GRAMD1B: variants seen among roughly 807,000 people sequenced by gnomAD.
The protein encoded by GRAMD1B is GRAM domain containing 1B, also known as protein Aster-B.
A neutral mutation model predicts 99.7 loss-of-function variants in GRAMD1B; 37 were observed. That is an observed-to-expected ratio of 0.37 (90% CI 0.29 to 0.49). The LOEUF (loss-of-function observed/expected upper bound fraction) is 0.49. Among genes scored for constraint, GRAMD1B ranks in the 20% least tolerant of loss-of-function variants. The probability of loss-of-function intolerance (pLI) is 0.98; values close to 1 mark genes in which losing one functional copy is unlikely to be tolerated. For missense variants in GRAMD1B, 888 were observed against 1,009.2 expected (o/e 0.88, Z 1.63); for synonymous variants, 427 against 387.6 (o/e 1.10, Z -1.19).
At chr11:123,442,507 T>C (rs958898157) in intron 1 of GRAMD1B, among the ~76,000 whole-genome samples, 2 of 152,128 alleles carry the variant, frequency 1.3e-5, no homozygotes, top group Non-Finnish European at 2.9e-5. Flanking sequence ...CGGTGGCTCA[T>C]GCCTATAATC....
intron 1 of GRAMD1B, among the ~76,000 whole-genome samples, chr11:123,398,625 A>G (rs1032400634): frequency 6.6e-6 from 1 of 152,204 alleles, no homozygotes; most frequent in Non-Finnish European, 1.5e-5. Flanking sequence ...CCATTTTAAT[A>G]GGTGTGTAGT....
intron 2 of GRAMD1B, among the ~76,000 whole-genome samples, chr11:123,518,338 A>C (rs149192596): frequency 3.7e-4 from 56 of 152,242 alleles, no homozygotes; most frequent in East Asian, 5.8e-4. Flanking sequence ...GGAATCCTCT[A>C]TGGGGATTTC....
intron 2 of GRAMD1B, among the ~76,000 whole-genome samples, chr11:123,489,004 C>T (rs1413952356): frequency 6.6e-6 from 1 of 151,992 alleles, no homozygotes; most frequent in South Asian, 2.1e-4. Flanking sequence ...ACGGCAGGTG[C>T]TAGAGGAATG....
Position 123,612,640 on chromosome 11 carries a change from T to C in GRAMD1B, c.1920-121T>C. On this transcript the variant is annotated intron_variant, in intron 14 of 19. Transcript: ENST00000635736. ...GTGAGATGGATGTGGAAGGACCTTT[T>C]AACTTGTAAAGTTTAGTACAAATGT... The C allele has an allele frequency of 4.2e-6, 3 of 711,406 alleles. No individual in the cohort carries two copies. In the Admixed American group the frequency reaches 6.0e-5, roughly 14 times the overall value. The allele number at this position is 711,406 out of a possible 1,614,324, so 44.1% of individuals were successfully genotyped here. A position where few individuals can be genotyped will look rare whatever the true frequency, so the allele number is the denominator to read the frequency against.
intron 1 of GRAMD1B, among the ~76,000 whole-genome samples, chr11:123,436,396 T>G (rs978382290): frequency 2.0e-5 from 3 of 152,214 alleles, no homozygotes; most frequent in African/African-American, 7.2e-5. Context: ...TAGAGATGGA[T>G]GACCAAATGT....
In GRAMD1B at chr11:123,506,397, G is replaced by GT. The variant is rs968086133; in HGVS notation, c.452+25515dup. ...GCCTCTTTTCAAAAGCATGTTTTTT[G>GT]TTTTTTTTTTTCTGTCTCTCTTTAA... On this transcript the variant is annotated intron_variant, in intron 2 of 19. Transcript: ENST00000635736. 4.0e-3 allele frequency among the ~76,000 whole-genome samples: 583 copies of GT among 146,270 alleles called. 1 individual carries two copies. The highest frequency in any genetic ancestry group is 5.8e-3 in the Non-Finnish European group (384 of 66,112).
At chr11:123,547,052 T>C (rs1183189114) in intron 2 of GRAMD1B, among the ~76,000 whole-genome samples, 2 of 152,208 alleles carry the variant, frequency 1.3e-5, no homozygotes, top group African/African-American at 4.8e-5. Context: ...TGGAGGTGAA[T>C]GGAAGAGACC....
At chr11:123,383,483 A>G (rs980425962) in intron 1 of GRAMD1B, among the ~76,000 whole-genome samples, 1 of 152,262 alleles carries the variant, frequency 6.6e-6, no homozygotes, top group East Asian at 1.9e-4. Context: ...ATTAAAGACT[A>G]TGTATCTTTA....
In GRAMD1B at chr11:123,517,824, A is replaced by G. The variant is rs193048637; in HGVS notation, c.452+36931A>G. Among the ~76,000 whole-genome samples, 25 of 152,250 alleles carry G rather than the reference A, an allele frequency of 1.6e-4. No individual in the cohort carries two copies. The East Asian group carries it at 4.6e-3, about 28-fold the overall frequency. ...TGTATTTTTAAAAATGGTAATACTG[A>G]TATGTAATTTAGTGGAAGAAGCAGA... On this transcript the variant is annotated intron_variant, in intron 2 of 19. Coordinates refer to ENST00000635736, the MANE Select transcript of GRAMD1B (RefSeq NM_001387025.1).
intron 2 of GRAMD1B, among the ~76,000 whole-genome samples, chr11:123,535,696 A>T (rs534802388): frequency 1.8e-4 from 28 of 152,306 alleles, no homozygotes; most frequent in African/African-American, 6.7e-4. Flanking sequence ...TATATCATGC[A>T]TACACAAAAA....
chr11:123,548,714 C>A (rs1945319342), intron 2 of GRAMD1B, among the ~76,000 whole-genome samples: 2 of 152,086 alleles, frequency 1.3e-5, no homozygotes, highest in South Asian at 2.1e-4. Context: ...CTCAGGTGAT[C>A]CTCCCGACTC....
At chr11:123,417,488 G>C (rs1948270602) in intron 1 of GRAMD1B, among the ~76,000 whole-genome samples, 1 of 152,226 alleles carries the variant, frequency 6.6e-6, no homozygotes, top group African/African-American at 2.4e-5. Flanking sequence ...GGACTGAGAT[G>C]TTGACATGAA....
Position 123,531,980 on chromosome 11 carries a change from G to A in GRAMD1B, c.453-45387G>A, listed in dbSNP as rs1161900615. 7.9e-5 allele frequency among the ~76,000 whole-genome samples: 12 copies of A among 151,948 alleles called. No individual in the cohort carries two copies. In the East Asian group the frequency reaches 2.3e-3, roughly 29 times the overall value. ...TCAAACTCCCAACCTCAGGTAATCT[G>A]CCCACCTCAGCCTCCCAAAGTGCTG... On this transcript the variant is annotated intron_variant, in intron 2 of 19. Coordinates refer to ENST00000635736, the MANE Select transcript of GRAMD1B (RefSeq NM_001387025.1).
At chr11:123,402,040 A>G (rs570735955) in intron 1 of GRAMD1B, among the ~76,000 whole-genome samples, 2 of 152,348 alleles carry the variant, frequency 1.3e-5, no homozygotes, top group Admixed American at 1.3e-4. Flanking sequence ...TAATGTCCCC[A>G]AAAGGCCACG....
intron 2 of GRAMD1B, among the ~76,000 whole-genome samples, chr11:123,491,353 G>A (rs759937872): frequency 3.3e-5 from 5 of 152,118 alleles, no homozygotes; most frequent in African/African-American, 7.2e-5. Flanking sequence ...GTCTGGCTCC[G>A]TCTACCTGCT....
At chr11:123,556,111 G>C (rs191455961) in intron 2 of GRAMD1B, among the ~76,000 whole-genome samples, 1 of 152,150 alleles carries the variant, frequency 6.6e-6, no homozygotes, top group East Asian at 1.9e-4. Context: ...GTAACTTGTC[G>C]ATCCCTGTTT....
intron 1 of GRAMD1B, among the ~76,000 whole-genome samples, chr11:123,424,039 A>G (rs1311453660): frequency 6.6e-6 from 1 of 151,436 alleles, no homozygotes; most frequent in Non-Finnish European, 1.5e-5. Flanking sequence ...CTCATTCCAC[A>G]TTTTTCCCCT....
In GRAMD1B at chr11:123,396,249, T is replaced by C. The variant is rs539581163; in HGVS notation, c.-176+37450T>C. Among the ~76,000 whole-genome samples the C allele has an allele frequency of 5.3e-5, 8 of 150,142 alleles. No homozygotes were observed. The South Asian group carries it at 1.0e-3, about 19-fold the overall frequency. ...TCCTCTTGCTGCTTCCCCATATGCA[T>C]TTTTTTCTTTTTTCTTTTCTTTTCT... On this transcript the variant is annotated intron_variant, in intron 1 of 20. Coordinates refer to the GRAMD1B transcript ENST00000638157.
intron 19 of GRAMD1B, among the ~76,000 whole-genome samples, chr11:123,619,936 A>C (rs562292794): frequency 1.3e-5 from 2 of 152,332 alleles, no homozygotes; most frequent in East Asian, 3.9e-4. Context: ...ATCCTGCTAC[A>C]TGACAACTTC....
Sources: allele counts gnomAD v4.1 joint callset (sites outside exome capture counted in the v4.1 genomes callset), GRCh38; gene constraint gnomAD v4.1.1; transcripts MANE v1.5; gene names NCBI Gene and HGNC (gene_info 2026-07-23, HGNC 2026-07-21).